The following MINDY2 variants were observed in gnomAD, a reference collection of about 807,000 sequenced individuals.
The protein encoded by MINDY2 is MINDY lysine 48 deubiquitinase 2.
MINDY2 carries 52 observed loss-of-function variants against 68.2 expected under a neutral mutation model. That is an observed-to-expected ratio of 0.76 (90% CI 0.61 to 0.96). The LOEUF is 0.96. Ranked by LOEUF, MINDY2 falls within the 40% of genes least tolerant of loss-of-function variation. The pLI is 0.00. For synonymous variants in MINDY2, 372 were observed against 303.0 expected (o/e 1.23, Z -2.36); for missense variants, 881 against 773.4 (o/e 1.14, Z -1.65).
intron 1 of MINDY2, among the ~76,000 whole-genome samples, chr15:58,786,691 C>G (rs1162302740): frequency 6.6e-6 from 1 of 152,166 alleles, no homozygotes; most frequent in Admixed American, 6.6e-5. Flanking sequence ...ACTACTATTG[C>G]AGGTCAAGAA....
chr15:58,793,951 G>C (rs1902102133), intron 2 of MINDY2, among the ~76,000 whole-genome samples: 1 of 152,154 alleles, frequency 6.6e-6, no homozygotes. Context: ...CAGCCAGCAT[G>C]GTGTTATGTT....
Position 58,812,450 on chromosome 15 carries a change from A to T in MINDY2, c.1122+2062A>T, listed in dbSNP as rs924428079. 2.0e-5 allele frequency among the ~76,000 whole-genome samples: 3 copies of T among 152,070 alleles called. No individual in the cohort carries two copies. In the South Asian group the frequency reaches 6.2e-4, roughly 31 times the overall value. ...ACGGTCCGTCTCAAAAAAAAAAAAA[A>T]AGAAATAATAAAGAATGATCCCTCA... On this transcript the variant is annotated intron_variant, in intron 4 of 8. Transcript: ENST00000559228.
At chr15:58,779,087 T>TG (rs1900968440) in intron 1 of MINDY2, among the ~76,000 whole-genome samples, 1 of 151,272 alleles carries the variant, frequency 6.6e-6, no homozygotes, top group Admixed American at 6.6e-5. Flanking sequence ...TCTTTAGAGA[T>TG]GTGTCTCACC....
At chr15:58,849,423 T>G (rs1243683083) in intron 7 of MINDY2, among the ~76,000 whole-genome samples, 1 of 151,988 alleles carries the variant, frequency 6.6e-6, no homozygotes, top group African/African-American at 2.4e-5. Flanking sequence ...GAGAACTGCT[T>G]GAACCCAGGA....
chr15:58,829,935 T>C (rs1860628069), intron 5 of MINDY2, among the ~76,000 whole-genome samples: 1 of 152,192 alleles, frequency 6.6e-6, no homozygotes, highest in African/African-American at 2.4e-5. Flanking sequence ...TTCTTTTCAA[T>C]TTATTGTTGA....
chr15:58,840,480 C>T (rs2141041183), intron 6 of MINDY2, among the ~76,000 whole-genome samples: 1 of 151,924 alleles, frequency 6.6e-6, no homozygotes, highest in African/African-American at 2.4e-5. Flanking sequence ...CTTTTTATTC[C>T]TCATCTATCT....
At chr15:58,795,890 A>G (rs1257239934) in intron 2 of MINDY2, among the ~76,000 whole-genome samples, 1 of 152,126 alleles carries the variant, frequency 6.6e-6, no homozygotes. Flanking sequence ...GTGAAGAAGT[A>G]GCTGGTAAGA....
intron 4 of MINDY2, among the ~76,000 whole-genome samples, chr15:58,818,157 T>G (rs1567059844): frequency 6.6e-6 from 1 of 152,214 alleles, no homozygotes; most frequent in African/African-American, 2.4e-5. Flanking sequence ...ATAAGCTTTA[T>G]GAAAGCATAA....
intron 4 of MINDY2, among the ~76,000 whole-genome samples, chr15:58,812,436 C>CAA (rs200958606): frequency 4.3e-4 from 45 of 104,194 alleles, no homozygotes; most frequent in African/African-American, 1.2e-3. Context: ...CGGTCCGTCT[C>CAA]AAAAAAAAAA....
chr15:58,834,259 A>G (rs1242427708), intron 6 of MINDY2, among the ~76,000 whole-genome samples: 1 of 152,180 alleles, frequency 6.6e-6, no homozygotes, highest in South Asian at 2.1e-4. Flanking sequence ...TTCTGCACAG[A>G]CACAGTAACA....
At chr15:58,786,567 A>T (rs948950047) in intron 1 of MINDY2, among the ~76,000 whole-genome samples, 10 of 152,226 alleles carry the variant, frequency 6.6e-5, no homozygotes, top group African/African-American at 2.4e-4. Context: ...TAGTTTAAAT[A>T]TCACTATAAC....
At chr15:58,845,882 C>T (rs374890330) in intron 6 of MINDY2, among the ~76,000 whole-genome samples, 4 of 152,252 alleles carry the variant, frequency 2.6e-5, no homozygotes, top group African/African-American at 9.6e-5. Flanking sequence ...GAATGACATC[C>T]TGTCAAATGC....
Position 58,771,887 on chromosome 15 carries a change from G to T in MINDY2, c.492G>T (p.Pro164=). 6.4e-7 allele frequency: 1 copy of T among 1,570,254 alleles called. No homozygotes were observed. Among genetic ancestry groups the T allele is most frequent in the Non-Finnish European group, 8.6e-7 (1 of 1,160,230 alleles). The change falls in exon 1 of 9, where the codon CCG becomes CCT. Residue 164 remains proline (P), a synonymous_variant. Transcript: ENST00000559228. ...GCCTCAGCAGCAGTTGCAGCGACCC[G>T]AGCCCTCCTGGGGAATCTCCGAGCC... is the stretch of plus-strand genomic sequence containing the variant. ...AGGLSSSCSD[P]SPPGESPSLD... is the part of the protein sequence containing the mutation.
intron 2 of MINDY2, among the ~76,000 whole-genome samples, chr15:58,798,989 A>G (rs1902463012): frequency 6.6e-6 from 1 of 152,180 alleles, no homozygotes; most frequent in African/African-American, 2.4e-5. Context: ...AAGGAAAAGG[A>G]AAAATTAGGA....
At chr15:58,809,574 C>G (rs754110092) in intron 3 of MINDY2, among the ~76,000 whole-genome samples, 33 of 152,290 alleles carry the variant, frequency 2.2e-4, no homozygotes, top group Admixed American at 7.8e-4. Context: ...ATTTTAGATT[C>G]ACCAGTAGGA....
intron 3 of MINDY2, among the ~76,000 whole-genome samples, chr15:58,806,490 T>C (rs1903020729): frequency 6.6e-6 from 1 of 151,988 alleles, no homozygotes; most frequent in Non-Finnish European, 1.5e-5. Flanking sequence ...CCCAAAGTGC[T>C]GGGATTACAG....
chr15:58,782,119 A>G (rs974014884), intron 1 of MINDY2, among the ~76,000 whole-genome samples: 1 of 152,164 alleles, frequency 6.6e-6, no homozygotes, highest in Non-Finnish European at 1.5e-5. Flanking sequence ...AGAATCCTTA[A>G]GTTTTTGAGT....
chr15:58,795,900 A>G (rs1474703637), intron 2 of MINDY2, among the ~76,000 whole-genome samples: 3 of 152,162 alleles, frequency 2.0e-5, no homozygotes, highest in African/African-American at 4.8e-5. Context: ...AGCTGGTAAG[A>G]TAGGAGAAAG....
At chr15:58,779,562 G>A (rs931703052) in intron 1 of MINDY2, among the ~76,000 whole-genome samples, 12 of 152,174 alleles carry the variant, frequency 7.9e-5, no homozygotes. Flanking sequence ...TTATAAAAAA[G>A]GAAAAACAGA....
Sources: allele counts gnomAD v4.1 joint callset (sites outside exome capture counted in the v4.1 genomes callset), GRCh38; gene constraint gnomAD v4.1.1; transcripts MANE v1.5; gene names NCBI Gene and HGNC (gene_info 2026-07-23, HGNC 2026-07-21).